MYO7A: variants seen among roughly 807,000 people sequenced by gnomAD.
The protein encoded by MYO7A is myosin VIIA.
A neutral mutation model predicts 263.8 loss-of-function variants in MYO7A; 210 were observed. The observed-to-expected ratio is 0.80, with a 90% confidence interval of 0.71 to 0.89. The LOEUF is 0.89. MYO7A is among the 40% of genes least tolerant of loss of function. The probability of loss-of-function intolerance (pLI) is 0.00; values close to 1 mark genes in which losing one functional copy is unlikely to be tolerated. For synonymous variants in MYO7A, 1,239 were observed against 1,197.3 expected (o/e 1.03, Z -0.72); for missense variants, 2,820 against 2,968.3 (o/e 0.95, Z 1.16).
intron 23 of MYO7A, 31 bp from the exon 24 acceptor site, chr11:77,181,920 G>C: frequency 1.9e-6 from 3 of 1,604,432 alleles, no homozygotes; most frequent in Non-Finnish European, 2.6e-6. Flanking sequence ...GAGTAGCTGG[G>C]ACTCCAGGGC....
Position 77,208,715 on chromosome 11 carries a change from C to T in MYO7A, c.5963C>T (p.Thr1988Ile), listed in dbSNP as rs1957642204. 1.3e-6 allele frequency: 2 copies of T among 1,586,176 alleles called. No individual in the cohort carries two copies. The highest frequency in any genetic ancestry group is 1.3e-5 in the African/African-American group (1 of 74,396). ...GCTGCAGGAATTGTGCCCTCACTCA[C>T]CTACCAGGTGTTCTTCATGAAGAAG... ...PIKDGIVPSL[T>I]YQVFFMKKLW... Residue 1988 changes from threonine to isoleucine, a missense_variant, in exon 44 of 49, where the codon ACC (threonine) becomes ATC (isoleucine). Coordinates refer to ENST00000409709, the MANE Select transcript of MYO7A (RefSeq NM_000260.4).
intron 34 of MYO7A, among the ~76,000 whole-genome samples, chr11:77,198,839 G>A (rs1326626922): frequency 6.6e-6 from 1 of 152,212 alleles, no homozygotes; most frequent in African/African-American, 2.4e-5. Flanking sequence ...GACAGGAATG[G>A]GCTGTCAGGA....
chr11:77,209,061 A>T, intron 44 of MYO7A: 1 of 504,456 alleles, frequency 2.0e-6, no homozygotes, highest in Non-Finnish European at 3.6e-6. Context: ...CCCCTCCTTC[A>T]GTGCGGGGCT....
chr11:77,160,978 C>G lies in MYO7A; in HGVS notation c.1206C>G (p.Ile402Met). The G allele has an allele frequency of 6.2e-7, 1 of 1,600,870 alleles. No homozygotes were observed. The highest frequency in any genetic ancestry group is 8.5e-7 in the Non-Finnish European group (1 of 1,174,354). Reference sequence around the variant, plus strand: ...GGCTGATCACTGCCTTTCAGGGGATCTACGGGCGGCTGTTCGTGTGGATTG... The same window carrying G: ...GGCTGATCACTGCCTTTCAGGGGATGTACGGGCGGCTGTTCGTGTGGATTG... ...LDVRDAFVKGIYGRLFVWIVD... is the reference protein window; with the variant it reads ...LDVRDAFVKGMYGRLFVWIVD... Residue 402 changes from isoleucine (I) to methionine (M), a missense_variant, in exon 12 of 49, where the codon ATC (isoleucine) becomes ATG (methionine). Transcript: ENST00000409709.
chr11:77,129,906 T>C (rs143853282), intron 1 of MYO7A, among the ~76,000 whole-genome samples: 111 of 151,790 alleles, frequency 7.3e-4, no homozygotes, highest in African/African-American at 2.3e-3. Context: ...GGAAAGGGAG[T>C]GAGCAGTGAG....
rs535500953 is a variant in MYO7A, at chr11:77,213,774, C to A, written c.6439-86C>A. 225 of 1,591,848 alleles carry A rather than the reference C, an allele frequency of 1.4e-4. No homozygotes were observed. In the South Asian group the frequency reaches 2.4e-3, roughly 17 times the overall value. On this transcript the variant is annotated intron_variant, in intron 47 of 48. Transcript: ENST00000409709. Reference sequence around the variant, plus strand: ...CTCCGGCCATGGGCTCCTCTGAGGGCCTGAGGCCTTCTGTGAGGGCATGTG... The same window carrying A: ...CTCCGGCCATGGGCTCCTCTGAGGGACTGAGGCCTTCTGTGAGGGCATGTG...
intron 36 of MYO7A, among the ~76,000 whole-genome samples, chr11:77,202,061 C>A (rs1027816320): frequency 1.1e-4 from 17 of 152,138 alleles, no homozygotes; most frequent in Admixed American, 1.1e-3. Context: ...CTTGTCCAGG[C>A]TTTCTGACTG....
intron 14 of MYO7A, among the ~76,000 whole-genome samples, chr11:77,165,389 G>A (rs1013776407): frequency 6.6e-6 from 1 of 152,296 alleles, no homozygotes; most frequent in South Asian, 2.1e-4. Flanking sequence ...GCCTCCTCTG[G>A]GGTCTGTGTG....
Position 77,146,758 on chromosome 11 carries a change from G to A in MYO7A, c.133-1040G>A, listed in dbSNP as rs560631227. ...TTCCCCCCAGAAGGCAGGTCCTGGG[G>A]CTACTGGGTCATGGCATTTGGGGAT... On this transcript the variant is annotated intron_variant, in intron 3 of 48. Coordinates refer to ENST00000409709, the MANE Select transcript of MYO7A (RefSeq NM_000260.4). 2.4e-4 allele frequency among the ~76,000 whole-genome samples: 36 copies of A among 152,162 alleles called. No homozygotes were observed. In the South Asian group the frequency reaches 4.8e-3, roughly 20 times the overall value.
chr11:77,175,953 T>C lies in MYO7A; in HGVS notation c.2187+489T>C, dbSNP rs140453197. Among the ~76,000 whole-genome samples, 57 of 152,328 alleles carry C rather than the reference T, an allele frequency of 3.7e-4. 1 individual carries two copies. Among genetic ancestry groups the C allele is most frequent in the African/African-American group, 1.3e-3 (56 of 41,582 alleles). ...CAGCTCCCATTGCTGCCTGGGCAGCTGGGGAAGGAAGCAGGAAGCAAGGCC... is the reference window on the plus strand; with the variant it reads ...CAGCTCCCATTGCTGCCTGGGCAGCCGGGGAAGGAAGCAGGAAGCAAGGCC... On this transcript the variant is annotated intron_variant, in intron 18 of 48. Coordinates refer to ENST00000409709, the MANE Select transcript of MYO7A (RefSeq NM_000260.4).
intron 18 of MYO7A, among the ~76,000 whole-genome samples, chr11:77,176,369 G>A (rs902208826): frequency 1.1e-4 from 17 of 152,238 alleles, no homozygotes; most frequent in African/African-American, 3.9e-4. Flanking sequence ...CCATGTGCCA[G>A]GCCCTGGGTG....
At chr11:77,211,564 T>C (rs1042144585) in intron 45 of MYO7A, among the ~76,000 whole-genome samples, 5 of 151,480 alleles carry the variant, frequency 3.3e-5, no homozygotes, top group African/African-American at 9.8e-5. Context: ...CTGGTTACCA[T>C]GGTGACCTGT....
chr11:77,166,757 C>G (rs1239037834), intron 15 of MYO7A, among the ~76,000 whole-genome samples: 1 of 152,202 alleles, frequency 6.6e-6, no homozygotes, highest in South Asian at 2.1e-4. Context: ...CCATGCCTGT[C>G]TAGGTGCCTG....
In MYO7A at chr11:77,190,004, G is replaced by C. The variant is rs930537118; in HGVS notation, c.3631-16G>C. ...GGGAGCCCCAGGGGCCGCCTCAGCGGGTACTCTGGCTGCAGTACCTGCGGA... is the reference window on the plus strand; with the variant it reads ...GGGAGCCCCAGGGGCCGCCTCAGCGCGTACTCTGGCTGCAGTACCTGCGGA... On this transcript the variant is annotated splice_polypyrimidine_tract_variant and intron_variant, in intron 28 of 48. Coordinates refer to ENST00000409709, the MANE Select transcript of MYO7A (RefSeq NM_000260.4). 8 of 1,524,386 alleles carry C rather than the reference G, an allele frequency of 5.2e-6. No homozygotes were observed. Among genetic ancestry groups the C allele is most frequent in the Non-Finnish European group, 7.1e-6 (8 of 1,132,596 alleles). 94.4% of individuals were successfully genotyped at this position (1,524,386 alleles called of 1,614,324 possible).
intron 47 of MYO7A, among the ~76,000 whole-genome samples, chr11:77,213,348 A>C (rs1006484478): frequency 1.3e-5 from 2 of 152,202 alleles, no homozygotes; most frequent in Non-Finnish European, 1.5e-5. Flanking sequence ...GTGACCGTGC[A>C]TCTGTGTTTC....
intron 28 of MYO7A, 66 bp downstream of exon 28, chr11:77,189,536 G>A: frequency 6.3e-7 from 1 of 1,595,748 alleles, no homozygotes; most frequent in East Asian, 2.2e-5. Flanking sequence ...ACTGTGGGGA[G>A]AGCAATAGCC....
At chr11:77,139,438 A>T (rs187743643) in intron 2 of MYO7A, 2 of 152,370 alleles carry the variant, frequency 1.3e-5, no homozygotes, top group African/African-American at 4.8e-5. Flanking sequence ...ACACAGCCAC[A>T]CTGAGGCATG....
chr11:77,166,584 G>A (rs1317496165), intron 15 of MYO7A, among the ~76,000 whole-genome samples: 2 of 152,226 alleles, frequency 1.3e-5, no homozygotes, highest in African/African-American at 4.8e-5. Flanking sequence ...CCATCAGACA[G>A]TGGGAGAACA....
At chr11:77,167,252 T>A (rs1953637959) in intron 15 of MYO7A, among the ~76,000 whole-genome samples, 1 of 152,130 alleles carries the variant, frequency 6.6e-6, no homozygotes, top group Non-Finnish European at 1.5e-5. Context: ...CCCAGGGTCC[T>A]CTGGGAACCG....
Sources: allele counts gnomAD v4.1 joint callset (sites outside exome capture counted in the v4.1 genomes callset), GRCh38; gene constraint gnomAD v4.1.1; transcripts MANE v1.5; gene names NCBI Gene and HGNC (gene_info 2026-07-23, HGNC 2026-07-21).